The following SRFBP1 variants were observed in gnomAD, a reference collection of about 807,000 sequenced individuals.
SRFBP1 encodes the protein serum response factor-binding protein 1.
Under a neutral mutation model 45.5 loss-of-function variants are expected in SRFBP1, and 47 were observed. That is an observed-to-expected ratio of 1.03 (90% CI 0.82 to 1.32). The LOEUF (loss-of-function observed/expected upper bound fraction) is 1.32, where lower values mean the gene tolerates loss of function less well. Among genes scored for constraint, SRFBP1 ranks in the 40% most tolerant of loss-of-function variants. SRFBP1 has a pLI of 0.00. For missense variants in SRFBP1, 621 were observed against 484.6 expected (o/e 1.28, Z -2.64); for synonymous variants, 203 against 166.3 (o/e 1.22, Z -1.70).
chr5:122,074,219 G>A, intron 2 of SRFBP1: 1 of 1,507,356 alleles, frequency 6.6e-7, no homozygotes, highest in South Asian at 1.2e-5. Context: ...TACAGAGAAA[G>A]CAATGAAGAT....
At chr5:121,984,994 G>A (rs79886164) in intron 3 of SRFBP1, among the ~76,000 whole-genome samples, 5,795 of 151,856 alleles carry the variant, frequency 0.038, 314 homozygotes, top group African/African-American at 0.11. Flanking sequence ...TCATCTCAGA[G>A]CCATCCTCAT....
In SRFBP1 at chr5:122,053,547, G is replaced by A. The variant is rs1392183026; in HGVS notation, n.312-21768G>A. Among the ~76,000 whole-genome samples the A allele has an allele frequency of 3.9e-5, 6 of 151,974 alleles. No individual in the cohort carries two copies. The East Asian group carries it at 1.2e-3, about 30-fold the overall frequency. ...TACCTGGCTATCAGTGGCAGGGGTGGGTGGGCTGGCCTGCCCTGACATGTG... is the reference window on the plus strand; with the variant it reads ...TACCTGGCTATCAGTGGCAGGGGTGAGTGGGCTGGCCTGCCCTGACATGTG... On this transcript the variant is annotated intron_variant and non_coding_transcript_variant, in intron 2 of 2. Transcript: ENST00000504881.
At chr5:122,045,369 T>C (rs1399505628) in intron 2 of SRFBP1, among the ~76,000 whole-genome samples, 1 of 152,194 alleles carries the variant, frequency 6.6e-6, no homozygotes, top group African/African-American at 2.4e-5. Context: ...AATTTTAAAA[T>C]AGATTTTTCT....
At chr5:122,026,683 C>T (rs1011889633) in intron 7 of SRFBP1, among the ~76,000 whole-genome samples, 1 of 152,022 alleles carries the variant, frequency 6.6e-6, no homozygotes, top group Non-Finnish European at 1.5e-5. Context: ...ATAAATAAGA[C>T]AGCACAGCAT....
intron 2 of SRFBP1, among the ~76,000 whole-genome samples, chr5:122,052,454 C>A (rs1022235228): frequency 1.3e-5 from 2 of 151,998 alleles, no homozygotes; most frequent in Non-Finnish European, 2.9e-5. Context: ...CTTTTTTATT[C>A]TTTTTTCTTT....
chr5:122,010,059 G>T, intron 4 of SRFBP1, among the ~76,000 whole-genome samples: 1 of 152,054 alleles, frequency 6.6e-6, no homozygotes, highest in East Asian at 1.9e-4. Context: ...ATAAGTATAA[G>T]CACTGTTTGA....
At chr5:122,073,536 A>T (rs1754516098) in intron 2 of SRFBP1, among the ~76,000 whole-genome samples, 1 of 152,186 alleles carries the variant, frequency 6.6e-6, no homozygotes, top group Non-Finnish European at 1.5e-5. Context: ...ATGGTTTCAC[A>T]GGTGAAAAAA....
chr5:122,016,769 C>G (rs1304157541), intron 4 of SRFBP1, among the ~76,000 whole-genome samples: 1 of 152,104 alleles, frequency 6.6e-6, no homozygotes, highest in Non-Finnish European at 1.5e-5. Flanking sequence ...AACTCAGCAG[C>G]AGGTTGAAGA....
At chr5:122,048,029 C>G (rs866801052) in intron 2 of SRFBP1, among the ~76,000 whole-genome samples, 1 of 152,060 alleles carries the variant, frequency 6.6e-6, no homozygotes, top group Non-Finnish European at 1.5e-5. Flanking sequence ...TAATTGAGTA[C>G]CCTTTATTTC....
At chr5:122,004,247 G>GT (rs1752936096) in intron 4 of SRFBP1, among the ~76,000 whole-genome samples, 1 of 152,182 alleles carries the variant, frequency 6.6e-6, no homozygotes, top group Admixed American at 6.5e-5. Flanking sequence ...TCCTCTAGCA[G>GT]TTTTACAGTT....
chr5:122,034,140 A>G (rs572436127), intron 2 of SRFBP1, among the ~76,000 whole-genome samples: 1 of 152,248 alleles, frequency 6.6e-6, no homozygotes, highest in South Asian at 2.1e-4. Flanking sequence ...TAGCCTTTCT[A>G]AATAATTGTT....
At chr5:122,026,812 A>T in intron 7 of SRFBP1, 130 bp from the exon 8 acceptor site, 1 of 636,572 alleles carries the variant, frequency 1.6e-6, no homozygotes, top group Non-Finnish European at 2.5e-6. Context: ...CTTCAGTTTT[A>T]AATTGTGAAA....
At chr5:121,990,283 G>C (rs1001311428) in intron 3 of SRFBP1, among the ~76,000 whole-genome samples, 2 of 152,140 alleles carry the variant, frequency 1.3e-5, no homozygotes, top group African/African-American at 4.8e-5. Flanking sequence ...AACATGGTTG[G>C]AGCTGCAGGC....
At chr5:122,068,174 TAAAAAAA>T (rs10650287) in intron 2 of SRFBP1, among the ~76,000 whole-genome samples, 2 of 115,910 alleles carry the variant, frequency 1.7e-5, no homozygotes, top group Non-Finnish European at 3.4e-5. Flanking sequence ...TAATAACTAG[TAAAAAAA>T]AAAAAAAAAA....
At chr5:122,016,144 T>C (rs1478905064) in intron 4 of SRFBP1, among the ~76,000 whole-genome samples, 1 of 152,230 alleles carries the variant, frequency 6.6e-6, no homozygotes, top group African/African-American at 2.4e-5. Context: ...CCATCTGCTA[T>C]TGATATGTCC....
intron 4 of SRFBP1, among the ~76,000 whole-genome samples, chr5:121,995,790 A>C (rs913997102): frequency 1.1e-4 from 16 of 151,586 alleles, no homozygotes; most frequent in Non-Finnish European, 1.8e-4. Flanking sequence ...AAAAAAAGAG[A>C]GAAGAATCAA....
Position 122,019,260 on chromosome 5 carries a change from C to G in SRFBP1, c.271C>G (p.Pro91Ala). ...GTTTATTATATTTTTAAATTTGCAG[C>G]CAGATTCTACTGCAACTGAAAGAGC... Reference protein sequence around the residue: ...DINFEKIFKKPDSTATERAIA... With the variant: ...DINFEKIFKKADSTATERAIA... The change falls in exon 5 of 8, where the codon CCA (proline) becomes GCA (alanine). Residue 91 changes from proline (P) to alanine (A), a missense_variant and splice_region_variant. Coordinates refer to ENST00000339397, the MANE Select transcript of SRFBP1 (RefSeq NM_152546.3). 1.2e-6 allele frequency: 2 copies of G among 1,610,474 alleles called. No individual in the cohort carries two copies. Among genetic ancestry groups the G allele is most frequent in the Non-Finnish European group, 1.7e-6 (2 of 1,178,024 alleles).
chr5:121,996,845 T>C (rs1230043665), intron 4 of SRFBP1, among the ~76,000 whole-genome samples: 1 of 145,296 alleles, frequency 6.9e-6, no homozygotes, highest in Non-Finnish European at 1.5e-5. Context: ...TGTACAAAAA[T>C]CACAAGCATT....
downstream of SRFBP1, chr5:122,077,802 A>G (rs2152591629): frequency 6.5e-7 from 1 of 1,549,912 alleles, no homozygotes; most frequent in South Asian, 1.2e-5. The surrounding 1 kb of genome is among the most constrained non-coding windows in gnomAD (Gnocchi z 4.9). Flanking sequence ...TGGTACTGTG[A>G]GCCCAGGCTC....
Sources: allele counts gnomAD v4.1 joint callset (sites outside exome capture counted in the v4.1 genomes callset), GRCh38; gene constraint gnomAD v4.1.1; non-coding constraint Gnocchi (gnomAD v3.1); transcripts MANE v1.5; gene names NCBI Gene and HGNC (gene_info 2026-07-23, HGNC 2026-07-21).